Variants in MTHFD2 observed in about 807,000 individuals in gnomAD.
The protein encoded by MTHFD2 is methylenetetrahydrofolate dehydrogenase (NADP+ dependent) 2, methenyltetrahydrofolate cyclohydrolase.
A neutral mutation model predicts 36.8 loss-of-function variants in MTHFD2; 26 were observed. The observed-to-expected ratio is 0.71, with a 90% confidence interval of 0.52 to 0.98. MTHFD2 has a LOEUF of 0.98. Ranked by LOEUF, MTHFD2 falls within the 50% of genes least tolerant of loss-of-function variation. The pLI is 0.00. For synonymous variants in MTHFD2, 164 were observed against 155.2 expected (o/e 1.06, Z -0.42); for missense variants, 373 against 434.0 (o/e 0.86, Z 1.25).
intron 1 of MTHFD2, among the ~76,000 whole-genome samples, chr2:74,199,348 C>T (rs1284796690): frequency 6.6e-6 from 1 of 152,182 alleles, no homozygotes; most frequent in Non-Finnish European, 1.5e-5. Context: ...GGCTGCAGCC[C>T]ACCAGAGCCT....
chr2:74,207,644 CAT>C (rs1694212754), intron 2 of MTHFD2, 58 bp from the exon 3 acceptor site: 6 of 1,504,766 alleles, frequency 4.0e-6, no homozygotes, highest in Admixed American at 3.5e-5. Flanking sequence ...TGGTAGGCAA[CAT>C]AGCAGTGCTC....
intron 7 of MTHFD2, among the ~76,000 whole-genome samples, chr2:74,213,570 A>G (rs1694359755): frequency 6.6e-6 from 1 of 152,170 alleles, no homozygotes; most frequent in African/African-American, 2.4e-5. Flanking sequence ...GATTACTGGC[A>G]TGAACCACTG....
intron 2 of MTHFD2, 173 bp downstream of exon 2, chr2:74,206,062 G>C: frequency 1.6e-6 from 1 of 610,800 alleles, no homozygotes; most frequent in Non-Finnish European, 2.8e-6. Context: ...ATCTTTCGGG[G>C]TTTATACAGT....
intron 1 of MTHFD2, among the ~76,000 whole-genome samples, chr2:74,201,467 C>G (rs751664388): frequency 6.6e-6 from 1 of 151,964 alleles, no homozygotes; most frequent in Non-Finnish European, 1.5e-5. Flanking sequence ...AAGTGATCCT[C>G]CCACCTCAGC....
chr2:74,199,409 A>G (rs1193876916), intron 1 of MTHFD2, among the ~76,000 whole-genome samples: 1 of 152,214 alleles, frequency 6.6e-6, no homozygotes, highest in Non-Finnish European at 1.5e-5. Context: ...GGAGGCTCCC[A>G]GGGCCTTAGG....
chr2:74,200,746 AG>A (rs1199719293), intron 1 of MTHFD2, among the ~76,000 whole-genome samples: 2 of 152,174 alleles, frequency 1.3e-5, no homozygotes, highest in African/African-American at 4.8e-5. Context: ...AAGGTAACAG[AG>A]TAATATATGT....
chr2:74,213,690 T>C (rs1694362777), intron 7 of MTHFD2, among the ~76,000 whole-genome samples: 1 of 152,250 alleles, frequency 6.6e-6, no homozygotes. Flanking sequence ...GTTAATTTTT[T>C]TTTTAACTTC....
chr2:74,207,562 T>C (rs1291910261), intron 2 of MTHFD2, 142 bp from the exon 3 acceptor site: 3 of 686,006 alleles, frequency 4.4e-6, no homozygotes, highest in Non-Finnish European at 7.2e-6. Flanking sequence ...AAGTTACTTT[T>C]TTAGGTTCCT....
At chr2:74,211,606 A>T in intron 6 of MTHFD2, 135 bp from the exon 7 acceptor site, 1 of 817,576 alleles carries the variant, frequency 1.2e-6, no homozygotes, top group Non-Finnish European at 1.7e-6. Context: ...ATAGTTCCTT[A>T]GTTAATATTT....
At chr2:74,210,207 C>A (rs941608162) in intron 5 of MTHFD2, among the ~76,000 whole-genome samples, 158 bp downstream of exon 5, 1 of 152,218 alleles carries the variant, frequency 6.6e-6, no homozygotes, top group Non-Finnish European at 1.5e-5. Flanking sequence ...TGTAGAGAAG[C>A]TGCACCCAGT....
Position 74,205,764 on chromosome 2 carries a change from G to A in MTHFD2, c.161G>A (p.Arg54Gln), listed in dbSNP as rs188979675. The A allele has an allele frequency of 1.3e-5, 21 of 1,613,760 alleles. No homozygotes were observed. The Admixed American group carries it at 2.0e-4, about 15-fold the overall frequency. ...KLAQQIKQEV[R>Q]QEVEEWVASG... ...GCCCAGCAGATCAAGCAGGAAGTGC[G>A]GCAGGAGGTAGAAGAGTGGGTGGCC... is the stretch of plus-strand genomic sequence containing the variant. Residue 54 changes from arginine to glutamine, a missense_variant, in exon 2 of 8, where the codon CGG becomes CAG. Arg to Gln is a conservative substitution (Grantham distance 43, BLOSUM62 1). Around this residue, in one of 2 missense-constraint regions of MTHFD2, gnomAD observed 308 missense variants for 397.8 expected, o/e 0.77. Transcript: ENST00000394053.
intron 7 of MTHFD2, 139 bp from the exon 8 acceptor site, chr2:74,213,940 T>C (rs1423579871): frequency 8.2e-6 from 7 of 854,788 alleles, no homozygotes; most frequent in Non-Finnish European, 1.2e-5. Flanking sequence ...CACAAAACCT[T>C]GAATGATGTA....
intron 1 of MTHFD2, among the ~76,000 whole-genome samples, chr2:74,204,969 G>A (rs1428925441): frequency 6.6e-6 from 1 of 152,126 alleles, no homozygotes; most frequent in Admixed American, 6.5e-5. Context: ...GGGATTACAG[G>A]AGCCCACCAC....
intron 3 of MTHFD2, 83 bp from the exon 4 acceptor site, chr2:74,208,485 TC>T (rs1694232727): frequency 1.2e-5 from 17 of 1,460,048 alleles, no homozygotes; most frequent in Non-Finnish European, 1.4e-5. Flanking sequence ...AGAATAGATT[TC>T]CTTGCGAAGC....
At chr2:74,206,448 G>A (rs573616085) in intron 2 of MTHFD2, 4 of 152,532 alleles carry the variant, frequency 2.6e-5, no homozygotes, top group East Asian at 3.9e-4. Context: ...TAGGTCTCAC[G>A]GTACCACAGA....
chr2:74,208,391 T>C (rs1694230020), intron 3 of MTHFD2, among the ~76,000 whole-genome samples, 178 bp from the exon 4 acceptor site: 3 of 152,230 alleles, frequency 2.0e-5, no homozygotes, highest in Admixed American at 2.0e-4. Flanking sequence ...TGATAGACGA[T>C]ATTGGCTTTG....
chr2:74,214,055 C>T (rs759384005), intron 7 of MTHFD2, 24 bp from the exon 8 acceptor site: 2 of 1,605,894 alleles, frequency 1.2e-6, no homozygotes, highest in East Asian at 2.2e-5. Flanking sequence ...ACTAAAGCAG[C>T]CTGCCTGTCT....
In MTHFD2 at chr2:74,207,719, C is replaced by T; in HGVS notation, c.302C>T (p.Thr101Ile). The part of the protein sequence containing the change: ...AAAVVGINSE[T>I]IMKPASISEE... ...CTTATAATAGGAATCAACAGTGAGA[C>T]AATTATGAAACCAGCTTCAATTTCA... is the stretch of plus-strand genomic sequence containing the variant. The change falls in exon 3 of 8, where the codon ACA becomes ATA. Residue 101 changes from threonine to isoleucine, a missense_variant. Physicochemically the swap from Thr to Ile is moderately conservative, Grantham distance 89. Around this residue, in one of 2 missense-constraint regions of MTHFD2, gnomAD observed 308 missense variants for 397.8 expected, o/e 0.77. Coordinates refer to ENST00000394053, the MANE Select transcript of MTHFD2 (RefSeq NM_006636.4). The T allele has an allele frequency of 6.2e-7, 1 of 1,606,516 alleles. No homozygotes were observed. Among genetic ancestry groups the T allele is most frequent in the Non-Finnish European group, 8.5e-7 (1 of 1,174,058 alleles).
intron 1 of MTHFD2, 84 bp downstream of exon 1, chr2:74,198,826 G>A (rs1290853582): frequency 3.9e-6 from 5 of 1,269,310 alleles, no homozygotes; most frequent in African/African-American, 1.5e-5. Context: ...GAGGGACACC[G>A]AGGGAAGTCC....
Sources: gnomAD v4.1 joint callset for allele counts (sites outside exome capture counted in the v4.1 genomes callset) on GRCh38, gnomAD v4.1.1 for gene constraint, gnomAD v4.1.1 regional missense constraint, MANE v1.5 for transcripts, NCBI Gene and HGNC (gene_info 2026-07-23, HGNC 2026-07-21) for gene names.